TRPM6: variants seen among roughly 807,000 people sequenced by gnomAD.
The protein encoded by TRPM6 is transient receptor potential cation channel subfamily M member 6.
A neutral mutation model predicts 247.6 loss-of-function variants in TRPM6; 111 were observed. The ratio of observed to expected loss-of-function variants is 0.45; its 90% confidence interval spans 0.38 to 0.52. The LOEUF is 0.52. Among genes scored for constraint, TRPM6 ranks in the 20% least tolerant of loss-of-function variants. The pLI, the probability that TRPM6 is intolerant of heterozygous loss-of-function variation, is 0.00. For synonymous variants in TRPM6, 892 were observed against 853.8 expected (o/e 1.04, Z -0.78); for missense variants, 2,126 against 2,421.5 (o/e 0.88, Z 2.56).
Position 74,747,883 on chromosome 9 carries a change from A to C in TRPM6, c.5083+6T>G, listed in dbSNP as rs1274315665. The C allele has an allele frequency of 1.2e-6, 2 of 1,605,870 alleles. No homozygotes were observed. Among genetic ancestry groups the C allele is most frequent in the South Asian group, 1.1e-5 (1 of 89,870 alleles). On this transcript the variant is annotated splice_donor_region_variant and intron_variant, in intron 31 of 38. Transcript: ENST00000360774. ...AAAAATAAAATGTTTAAACAGAAAA[A>C]CTTACTGTCAACTCCAATTGAACTT...
chr9:74,748,954 G>T (rs1331650622), intron 30 of TRPM6, among the ~76,000 whole-genome samples: 1 of 152,110 alleles, frequency 6.6e-6, no homozygotes, highest in African/African-American at 2.4e-5. Flanking sequence ...TCCATTCATT[G>T]TAAGCATCCT....
At chr9:74,780,318 G>A (rs940619261) in intron 23 of TRPM6, among the ~76,000 whole-genome samples, 4 of 152,104 alleles carry the variant, frequency 2.6e-5, no homozygotes, top group African/African-American at 9.7e-5. Flanking sequence ...AGCCAGGTGT[G>A]TGGCACACAC....
Position 74,884,977 on chromosome 9 carries a change from A to G in TRPM6, c.33+2847T>C, listed in dbSNP as rs546781953. 3.2e-4 allele frequency among the ~76,000 whole-genome samples: 48 copies of G among 152,348 alleles called. 1 individual carries two copies. In the South Asian group the frequency reaches 9.3e-3, roughly 30 times the overall value. ...AGGTAATAGCTGTGCATCAAACATC[A>G]AGAGCAACCAGTCTGGACTGGCAAA... On this transcript the variant is annotated intron_variant, in intron 1 of 38. Transcript: ENST00000360774.
chr9:74,817,006 A>G, intron 9 of TRPM6, 42 bp from the exon 10 acceptor site: 1 of 1,503,774 alleles, frequency 6.6e-7, no homozygotes, highest in Non-Finnish European at 9.3e-7. Flanking sequence ...TTGGGGAACT[A>G]CCAAATAAAT....
intron 24 of TRPM6, among the ~76,000 whole-genome samples, chr9:74,772,438 G>A (rs987413709): frequency 1.4e-4 from 22 of 152,090 alleles, no homozygotes; most frequent in Non-Finnish European, 7.4e-5. Context: ...ATGAAAATGG[G>A]GAATCTGTCT....
At chr9:74,820,977 G>A (rs558244954) in intron 8 of TRPM6, among the ~76,000 whole-genome samples, 110 of 152,282 alleles carry the variant, frequency 7.2e-4, no homozygotes, top group Non-Finnish European at 1.2e-3. Flanking sequence ...GGTAGAGGGC[G>A]GAAGTGGAGG....
intron 1 of TRPM6, among the ~76,000 whole-genome samples, chr9:74,885,530 C>T (rs62568414): frequency 0.059 from 8,982 of 152,152 alleles, 339 homozygotes; most frequent in Non-Finnish European, 0.093. Flanking sequence ...ACAATGAGAA[C>T]GTAAAACTTC....
At chr9:74,756,580 C>T (rs915052075) in intron 27 of TRPM6, among the ~76,000 whole-genome samples, 4 of 149,060 alleles carry the variant, frequency 2.7e-5, no homozygotes, top group African/African-American at 1.0e-4. Flanking sequence ...CAGTGGTTCA[C>T]ACTTGTAATT....
intron 3 of TRPM6, among the ~76,000 whole-genome samples, chr9:74,850,435 TAAGGCCGGGCGC>T (rs1830261988): frequency 5.6e-5 from 8 of 143,204 alleles, no homozygotes; most frequent in Admixed American, 4.9e-4. Context: ...AAAACCAACG[TAAGGCCGGGCGC>T]GGTGGCTCAC....
intron 1 of TRPM6, among the ~76,000 whole-genome samples, chr9:74,877,548 T>C (rs1831231724): frequency 6.6e-6 from 1 of 152,102 alleles, no homozygotes; most frequent in Non-Finnish European, 1.5e-5. Context: ...CATCCTATCC[T>C]GGGACCCAAC....
At chr9:74,728,442 A>T in intron 37 of TRPM6, 97 bp from the exon 38 acceptor site, 1 of 877,776 alleles carries the variant, frequency 1.1e-6, no homozygotes, top group Non-Finnish European at 1.9e-6. Context: ...ATAGTAACCC[A>T]GTAAACTTGA....
At chr9:74,832,631 T>C (rs1278717071) in intron 6 of TRPM6, among the ~76,000 whole-genome samples, 1 of 152,204 alleles carries the variant, frequency 6.6e-6, no homozygotes, top group Non-Finnish European at 1.5e-5. Flanking sequence ...GCTGAATGGA[T>C]AAGGGAAGAG....
At chr9:74,816,355 T>A (rs1312672830) in intron 11 of TRPM6, among the ~76,000 whole-genome samples, 1 of 150,546 alleles carries the variant, frequency 6.6e-6, no homozygotes, top group Non-Finnish European at 1.5e-5. Context: ...GGCAACAGAG[T>A]GAGAACTTGT....
chr9:74,837,470 C>T (rs1369224601), intron 5 of TRPM6, among the ~76,000 whole-genome samples: 8 of 151,118 alleles, frequency 5.3e-5, no homozygotes, highest in African/African-American at 7.3e-5. Context: ...TTTTTTGAGA[C>T]GGAGTCTCGC....
At chr9:74,800,145 T>C (rs771525707) in intron 17 of TRPM6, 109 bp downstream of exon 17, 195 of 1,010,396 alleles carry the variant, frequency 1.9e-4, no homozygotes, top group Non-Finnish European at 2.8e-4. Context: ...CTCTCAAATA[T>C]ATTAACTGGT....
chr9:74,728,484 A>G, intron 37 of TRPM6, 139 bp from the exon 38 acceptor site: 1 of 690,794 alleles, frequency 1.4e-6, no homozygotes, highest in Non-Finnish European at 2.6e-6. Flanking sequence ...CACTTTGGGG[A>G]AACAACAATG....
intron 1 of TRPM6, among the ~76,000 whole-genome samples, chr9:74,878,509 A>G (rs1054374900): frequency 5.3e-5 from 8 of 152,324 alleles, no homozygotes; most frequent in Non-Finnish European, 1.2e-4. Flanking sequence ...AATCTCAGAC[A>G]CTACTGACAC....
At chr9:74,828,612 AT>A (rs1018913856) in intron 6 of TRPM6, among the ~76,000 whole-genome samples, 7 of 147,104 alleles carry the variant, frequency 4.8e-5, no homozygotes, top group East Asian at 2.0e-4. Context: ...GGTTCTAAAT[AT>A]TTTTTTTTCC....
chr9:74,777,216 A>G (rs79150872), intron 23 of TRPM6, among the ~76,000 whole-genome samples: 4,113 of 152,312 alleles, frequency 0.027, 179 homozygotes, highest in African/African-American at 0.091. Context: ...TATTAATAGC[A>G]GTTTCACTCC....
Sources: gnomAD v4.1 joint callset for allele counts (sites outside exome capture counted in the v4.1 genomes callset) on GRCh38, gnomAD v4.1.1 for gene constraint, MANE v1.5 for transcripts, NCBI Gene and HGNC (gene_info 2026-07-23, HGNC 2026-07-21) for gene names.